The following UNC13C variants were observed in gnomAD, a reference collection of about 807,000 sequenced individuals.
The protein encoded by UNC13C is protein unc-13 homolog C.
A neutral mutation model predicts 245.4 loss-of-function variants in UNC13C; 174 were observed. The observed-to-expected ratio is 0.71, with a 90% CI of 0.63 to 0.80. The LOEUF (loss-of-function observed/expected upper bound fraction) is 0.80, where lower values mean the gene tolerates loss of function less well. UNC13C is among the 30% of genes least tolerant of loss of function. UNC13C has a pLI of 0.00. For synonymous variants in UNC13C, 992 were observed against 895.1 expected, an observed-to-expected ratio of 1.11 and a Z score of -1.93; for missense variants, 2,829 against 2,602.9, an observed-to-expected ratio of 1.09 and a Z score of -1.89.
intron 32 of UNC13C, 77 bp from the exon 33 acceptor site, chr15:54,626,751 A>C: frequency 8.0e-7 from 1 of 1,247,680 alleles, no homozygotes; most frequent in Non-Finnish European, 1.1e-6. Context: ...TACAGTTTTC[A>C]GCAGTATTTG....
At chr15:54,245,400 T>C (rs943387323) in intron 7 of UNC13C, among the ~76,000 whole-genome samples, 7 of 152,142 alleles carry the variant, frequency 4.6e-5, no homozygotes, top group African/African-American at 9.7e-5. Context: ...CTTAGGACAA[T>C]GTTAATTTAT....
intron 20 of UNC13C, among the ~76,000 whole-genome samples, chr15:54,495,849 A>G (rs776985094): frequency 2.0e-5 from 3 of 151,942 alleles, no homozygotes; most frequent in African/African-American, 7.2e-5. Flanking sequence ...CAGCCCTTTA[A>G]CACAACTTTT....
chr15:54,452,362 C>A (rs890830462), intron 19 of UNC13C, among the ~76,000 whole-genome samples: 1 of 152,144 alleles, frequency 6.6e-6, no homozygotes, highest in Non-Finnish European at 1.5e-5. Context: ...GCTCAATGCT[C>A]TGGTTCCCAA....
intron 4 of UNC13C, among the ~76,000 whole-genome samples, chr15:54,226,775 G>A (rs915124117): frequency 2.0e-5 from 3 of 152,176 alleles, no homozygotes; most frequent in African/African-American, 4.8e-5. Context: ...TGGACCAGAT[G>A]TACTCCATGT....
chr15:54,277,949 G>C (rs957085377), intron 10 of UNC13C, among the ~76,000 whole-genome samples: 2 of 152,130 alleles, frequency 1.3e-5, no homozygotes, highest in African/African-American at 2.4e-5. Flanking sequence ...TCTACAGTTA[G>C]AGTCCTTTAA....
intron 2 of UNC13C, among the ~76,000 whole-genome samples, chr15:54,033,298 C>A (rs1319404847): frequency 1.3e-5 from 2 of 151,938 alleles, no homozygotes; most frequent in Non-Finnish European, 2.9e-5. Flanking sequence ...GCTGAAAATG[C>A]AAAACATAAA....
intron 2 of UNC13C, among the ~76,000 whole-genome samples, chr15:54,020,722 T>C (rs1364210083): frequency 6.6e-6 from 1 of 152,212 alleles, no homozygotes; most frequent in African/African-American, 2.4e-5. Flanking sequence ...AAGGTATGTA[T>C]GAATTTAAAA....
chr15:54,457,869 C>T (rs1891615946), intron 19 of UNC13C, among the ~76,000 whole-genome samples: 1 of 140,460 alleles, frequency 7.1e-6, no homozygotes, highest in African/African-American at 2.6e-5. Context: ...GTTTCAATTT[C>T]ATGTAGTTCT....
chr15:53,860,817 C>CA, the UNC13C span, among the ~76,000 whole-genome samples: 1 of 152,160 alleles, frequency 6.6e-6, no homozygotes, highest in Non-Finnish European at 1.5e-5. Flanking sequence ...GCATGGTAGA[C>CA]TATTATTTCA....
intron 2 of UNC13C, among the ~76,000 whole-genome samples, chr15:54,107,968 CAA>C (rs1900532215): frequency 1.3e-5 from 2 of 152,022 alleles, no homozygotes. Context: ...TGAGCAAAGG[CAA>C]AAGAGTGACG....
rs74684739 is a variant in UNC13C, at chr15:54,160,572, T to G, written c.3071+16888T>G. 1.5e-3 allele frequency among the ~76,000 whole-genome samples: 235 copies of G among 152,112 alleles called. 4 individuals carry two copies. In the East Asian group the frequency reaches 0.035, roughly 22 times the overall value. On this transcript the variant is annotated intron_variant, in intron 4 of 32. Coordinates refer to ENST00000260323, the MANE Select transcript of UNC13C (RefSeq NM_001080534.3). ...GATTTAGAAATAGAATTCATGATCT[T>G]CAAATCTGGTATAAGACTCTGATGT...
At position 54,203,449 on chromosome 15, in the gene UNC13C, T is replaced by A. The variant is rs563564058; in HGVS notation, c.3072-31581T>A. Reference sequence around the variant, plus strand: ...CAAATGCCCAACAATCATGAGTGGATAAAGAAAATGTAGTGTGTGTGTATA... The same window carrying A: ...CAAATGCCCAACAATCATGAGTGGAAAAAGAAAATGTAGTGTGTGTGTATA... On this transcript the variant is annotated intron_variant, in intron 4 of 32. Transcript: ENST00000260323. Among the ~76,000 whole-genome samples, 3 of 147,926 alleles carry A rather than the reference T, an allele frequency of 2.0e-5. No homozygotes were observed. In the East Asian group the frequency reaches 6.0e-4, roughly 30 times the overall value.
intron 1 of UNC13C, among the ~76,000 whole-genome samples, chr15:54,008,793 C>T (rs552818579): frequency 1.9e-4 from 29 of 152,250 alleles, no homozygotes; most frequent in Non-Finnish European, 3.2e-4. Flanking sequence ...ATTCACTTTA[C>T]GTACAAATGA....
the UNC13C span, among the ~76,000 whole-genome samples, chr15:53,888,947 C>A: frequency 6.6e-6 from 1 of 152,132 alleles, no homozygotes; most frequent in South Asian, 2.1e-4. Context: ...GTTTTGGTTT[C>A]TGTAGCCTCG....
chr15:54,196,888 ATTTAC>A (rs958286693), intron 4 of UNC13C, among the ~76,000 whole-genome samples: 2 of 152,124 alleles, frequency 1.3e-5, no homozygotes, highest in Non-Finnish European at 2.9e-5. Context: ...AAACTGAAAT[ATTTAC>A]TTTAATTCCA....
At chr15:54,264,626 G>T (rs749941268) in intron 9 of UNC13C, among the ~76,000 whole-genome samples, 1 of 144,708 alleles carries the variant, frequency 6.9e-6, no homozygotes, top group Non-Finnish European at 1.5e-5. Flanking sequence ...AAAAGTTTCT[G>T]TTTTTCAATA....
At chr15:54,240,497 A>G (rs936265094) in intron 7 of UNC13C, among the ~76,000 whole-genome samples, 16 of 152,204 alleles carry the variant, frequency 1.1e-4, no homozygotes, top group Non-Finnish European at 2.2e-4. Context: ...TATTTTAATT[A>G]AAGAAATGTA....
At chr15:54,125,573 C>T (rs938950471) in intron 2 of UNC13C, among the ~76,000 whole-genome samples, 2 of 152,100 alleles carry the variant, frequency 1.3e-5, no homozygotes, top group South Asian at 4.1e-4. Flanking sequence ...AATTCACAAA[C>T]GTGGTACATC....
chr15:54,313,579 C>A (rs1339639396), intron 13 of UNC13C, among the ~76,000 whole-genome samples: 1 of 151,626 alleles, frequency 6.6e-6, no homozygotes, highest in Non-Finnish European at 1.5e-5. Flanking sequence ...ATGTATATTT[C>A]TCTTTGTTTT....
Sources: gnomAD v4.1 joint callset for allele counts (sites outside exome capture counted in the v4.1 genomes callset) on GRCh38, gnomAD v4.1.1 for gene constraint, MANE v1.5 for transcripts, NCBI Gene and HGNC (gene_info 2026-07-23, HGNC 2026-07-21) for gene names.